Variants in CFAP300 observed in about 807,000 individuals in gnomAD.
CFAP300 encodes the protein cilia and flagella associated protein 300, also known as cilia- and flagella-associated protein 300.
Under a neutral mutation model 33.0 loss-of-function variants are expected in CFAP300, and 32 were observed. That is an observed-to-expected ratio of 0.97 (90% CI 0.73 to 1.30). The LOEUF is 1.30. CFAP300 is among the 50% of genes most tolerant of loss of function. CFAP300 has a pLI of 0.00. For synonymous variants in CFAP300, 102 were observed against 106.8 expected (o/e 0.95, Z 0.28); for missense variants, 356 against 318.1 (o/e 1.12, Z -0.90).
intron 4 of CFAP300, among the ~76,000 whole-genome samples, chr11:102,068,350 G>A (rs1162326480): frequency 6.6e-6 from 1 of 152,076 alleles, no homozygotes; most frequent in Admixed American, 6.5e-5. Context: ...CTACACTAAG[G>A]CAATACCTAA....
intron 2 of CFAP300, among the ~76,000 whole-genome samples, chr11:102,048,225 A>G (rs1393253766): frequency 2.0e-5 from 3 of 151,544 alleles, no homozygotes; most frequent in Non-Finnish European, 2.9e-5. Context: ...ATTTTGTTTT[A>G]TTTTATTTTA....
At chr11:102,082,360 A>C (rs1373016132) in intron 6 of CFAP300, among the ~76,000 whole-genome samples, 2 of 152,056 alleles carry the variant, frequency 1.3e-5, no homozygotes, top group African/African-American at 2.4e-5. Context: ...GACTGGGCAA[A>C]AGAGTAAGAC....
In CFAP300 at chr11:102,084,254, A is replaced by G. The variant is rs1032136323; in HGVS notation, c.*1055A>G. 6.6e-6 allele frequency: 1 copy of G among 152,200 alleles called. No individual in the cohort carries two copies. Among genetic ancestry groups the G allele is most frequent in the African/African-American group, 2.4e-5 (1 of 41,444 alleles). 9.4% of individuals were successfully genotyped at this position (152,200 alleles called of 1,614,324 possible). ...TTTATTTTGATGGCAAAAATCATTG[A>G]CATATATCCCATGGGTCATGGGAAG... On this transcript the variant is annotated 3_prime_UTR_variant, in exon 7 of 7. Coordinates refer to ENST00000434758, the MANE Select transcript of CFAP300 (RefSeq NM_032930.3).
chr11:102,063,007 C>T (rs192426705), intron 3 of CFAP300, among the ~76,000 whole-genome samples: 163 of 152,324 alleles, frequency 1.1e-3, no homozygotes, highest in Non-Finnish European at 2.0e-3. Flanking sequence ...AGAAAGACCC[C>T]GAAGCAATTC....
At chr11:102,083,025 A>C in intron 6 of CFAP300, 46 bp from the exon 7 acceptor site, 1 of 1,019,226 alleles carries the variant, frequency 9.8e-7, no homozygotes, top group East Asian at 4.3e-5. Context: ...ATATATAAAT[A>C]CATAAATAAA....
chr11:102,058,756 C>A, intron 2 of CFAP300, 124 bp from the exon 3 acceptor site: 1 of 623,324 alleles, frequency 1.6e-6, no homozygotes, highest in Non-Finnish European at 2.8e-6. Flanking sequence ...ATTACTCAGA[C>A]ATTTTACCAA....
chr11:102,070,247 A>G (rs1327040301), intron 4 of CFAP300, among the ~76,000 whole-genome samples: 1 of 152,160 alleles, frequency 6.6e-6, no homozygotes, highest in Non-Finnish European at 1.5e-5. Context: ...ATTTTCCTAG[A>G]CATACCTAAC....
chr11:102,075,765 T>G, intron 4 of CFAP300, 108 bp from the exon 5 acceptor site: 1 of 817,132 alleles, frequency 1.2e-6, no homozygotes, highest in Non-Finnish European at 1.9e-6. Flanking sequence ...TCAAGATTGG[T>G]TCTTAAAATA....
chr11:102,057,048 A>G (rs186201756), intron 2 of CFAP300, among the ~76,000 whole-genome samples: 94 of 152,222 alleles, frequency 6.2e-4, no homozygotes, highest in African/African-American at 2.0e-3. Flanking sequence ...TAAAATAAAA[A>G]AGAGCTAGCC....
chr11:102,053,660 A>G (rs1216347178), intron 2 of CFAP300, among the ~76,000 whole-genome samples: 1 of 152,226 alleles, frequency 6.6e-6, no homozygotes, highest in African/African-American at 2.4e-5. Flanking sequence ...CAAGAGGATC[A>G]CTTGAAGCCA....
At chr11:102,059,518 G>A (rs914217717) in intron 3 of CFAP300, among the ~76,000 whole-genome samples, 1 of 151,994 alleles carries the variant, frequency 6.6e-6, no homozygotes, top group South Asian at 2.1e-4. Flanking sequence ...GCGTGGTGGC[G>A]AGCACCTGTA....
At chr11:102,052,132 G>A (rs2135012338) in intron 2 of CFAP300, among the ~76,000 whole-genome samples, 1 of 152,100 alleles carries the variant, frequency 6.6e-6, no homozygotes, top group East Asian at 1.9e-4. Context: ...CCTTATTTGA[G>A]GGTCCCTTAT....
intron 4 of CFAP300, among the ~76,000 whole-genome samples, chr11:102,075,097 T>A (rs1356632483): frequency 6.6e-6 from 1 of 152,054 alleles, no homozygotes; most frequent in Non-Finnish European, 1.5e-5. Context: ...ATAGTGAGAC[T>A]CCATCTCTAA....
At chr11:102,061,973 C>T (rs1942155418) in intron 3 of CFAP300, among the ~76,000 whole-genome samples, 1 of 152,012 alleles carries the variant, frequency 6.6e-6, no homozygotes, top group Non-Finnish European at 1.5e-5. Context: ...GTTGTGTCCC[C>T]ACCCCTAAAT....
In CFAP300 at chr11:102,075,901, AT is replaced by A; in HGVS notation, c.465del (p.Tyr155Ter). On this transcript the variant is annotated frameshift_variant, in exon 5 of 7. Transcript: ENST00000434758. LOFTEE classifies it high-confidence loss of function. ...RVLLVEDSEK[Y>X]EIFSQPDREE... Reference sequence around the variant, plus strand: ...TTGCTAGTGGAAGACTCAGAAAAATATGAAATATTCAGCCAACCAGATAGAG... The same window carrying A: ...TTGCTAGTGGAAGACTCAGAAAAATAGAAATATTCAGCCAACCAGATAGAG... The A allele has an allele frequency of 1.2e-6, 2 of 1,612,678 alleles. No homozygotes were observed. The highest frequency in any genetic ancestry group is 1.7e-6 in the Non-Finnish European group (2 of 1,179,598).
At chr11:102,064,672 C>T (rs1435106136) in intron 3 of CFAP300, among the ~76,000 whole-genome samples, 1 of 152,110 alleles carries the variant, frequency 6.6e-6, no homozygotes, top group East Asian at 1.9e-4. Context: ...CAAATGTATC[C>T]AGGGTAGGGA....
chr11:102,073,696 G>T (rs1007765429), intron 4 of CFAP300, among the ~76,000 whole-genome samples: 1 of 152,028 alleles, frequency 6.6e-6, no homozygotes, highest in Non-Finnish European at 1.5e-5. Context: ...CGGCTCTTGG[G>T]TTCTGGAGAG....
In CFAP300 at chr11:102,074,621, AT is replaced by A. The variant is rs914180103; in HGVS notation, c.436-1243del. Among the ~76,000 whole-genome samples, 90 of 147,144 alleles carry A rather than the reference AT, an allele frequency of 6.1e-4. 1 individual carries two copies. Among genetic ancestry groups the A allele is most frequent in the Non-Finnish European group, 1.2e-3 (80 of 66,262 alleles). On this transcript the variant is annotated intron_variant, in intron 4 of 6. Coordinates refer to ENST00000434758, the MANE Select transcript of CFAP300 (RefSeq NM_032930.3). ...CTCCCATGTAAAGTTGTTTATATGTATTTTTTTTTCCACTTTATTTCTTGAC... is the reference window on the plus strand; with the variant it reads ...CTCCCATGTAAAGTTGTTTATATGTATTTTTTTTCCACTTTATTTCTTGAC...
chr11:102,065,622 C>G (rs1279280345), intron 3 of CFAP300, among the ~76,000 whole-genome samples: 1 of 151,694 alleles, frequency 6.6e-6, no homozygotes, highest in African/African-American at 2.4e-5. Context: ...ACAAAATTAG[C>G]CAGGCATGGT....
Sources: allele counts gnomAD v4.1 joint callset (sites outside exome capture counted in the v4.1 genomes callset), GRCh38; gene constraint gnomAD v4.1.1; transcripts MANE v1.5; gene names NCBI Gene and HGNC (gene_info 2026-07-23, HGNC 2026-07-21).